CACNB2: variants seen among roughly 807,000 people sequenced by gnomAD.
CACNB2 encodes the protein calcium voltage-gated channel auxiliary subunit beta 2, also known as voltage-dependent L-type calcium channel subunit beta-2.
CACNB2 carries 42 observed loss-of-function variants against 73.3 expected under a neutral mutation model. That is an observed-to-expected ratio of 0.57 (90% confidence interval 0.45 to 0.74). The LOEUF is 0.74. Ranked by LOEUF, CACNB2 falls within the 30% of genes least tolerant of loss-of-function variation. The probability of loss-of-function intolerance (pLI) is 0.00; values close to 1 mark genes in which losing one functional copy is unlikely to be tolerated. For synonymous variants in CACNB2, 348 were observed against 310.3 expected (o/e 1.12, Z -1.28); for missense variants, 940 against 853.0 (o/e 1.10, Z -1.27).
rs1349584543 is a variant in CACNB2 at position 18,214,442 on chromosome 10, A to G, written c.213+63467A>G. On this transcript the variant is annotated intron_variant, in intron 2 of 13. Coordinates refer to ENST00000324631, the MANE Select transcript of CACNB2 (RefSeq NM_201596.3). Reference sequence around the variant, plus strand: ...GAAGTTCGAGACCAGCCTGGCCAACATGGTGGAACCCCATCTTTACCAAAA... The same window carrying G: ...GAAGTTCGAGACCAGCCTGGCCAACGTGGTGGAACCCCATCTTTACCAAAA... Among the ~76,000 whole-genome samples the G allele has an allele frequency of 2.7e-5, 2 of 72,966 alleles. 1 individual carries two copies. The highest frequency in any genetic ancestry group is 6.4e-5 in the African/African-American group (2 of 31,266). 47.9% of individuals were successfully genotyped at this position (72,966 alleles called of 152,430 possible). A position where few individuals can be genotyped will look rare whatever the true frequency, so the allele number is the denominator to read the frequency against.
At chr10:18,452,991 T>A (rs1218581546) in intron 3 of CACNB2, among the ~76,000 whole-genome samples, 2 of 152,208 alleles carry the variant, frequency 1.3e-5, no homozygotes, top group Non-Finnish European at 2.9e-5. Flanking sequence ...CATCATAGCA[T>A]CCATGCAGTT....
At chr10:18,152,709 C>CAAA (rs772732675) in intron 2 of CACNB2, among the ~76,000 whole-genome samples, 1,561 of 49,090 alleles carry the variant, frequency 0.032, 172 homozygotes, top group African/African-American at 0.11. Context: ...TGAAACAGAC[C>CAAA]AAAAAAAAAA....
At chr10:18,402,071 C>G in intron 3 of CACNB2, 28 bp downstream of exon 3, 2 of 1,611,542 alleles carry the variant, frequency 1.2e-6, no homozygotes, top group South Asian at 2.2e-5. Context: ...CTGCCAAGAT[C>G]TTTGCAAGTT....
chr10:18,368,723 C>A (rs1039153181), intron 2 of CACNB2, among the ~76,000 whole-genome samples: 1 of 151,820 alleles, frequency 6.6e-6, no homozygotes, highest in African/African-American at 2.4e-5. Flanking sequence ...ATTAATTAAC[C>A]CTCATGTGTT....
intron 2 of CACNB2, among the ~76,000 whole-genome samples, chr10:18,158,598 T>C (rs944309264): frequency 1.3e-5 from 2 of 152,214 alleles, no homozygotes; most frequent in Non-Finnish European, 2.9e-5. Flanking sequence ...ATCTTTTGTA[T>C]TTAGTACTTT....
At chr10:18,184,148 C>T (rs1040681902) in intron 2 of CACNB2, among the ~76,000 whole-genome samples, 1 of 152,114 alleles carries the variant, frequency 6.6e-6, no homozygotes, top group African/African-American at 2.4e-5. Context: ...TCTAAACTTA[C>T]CCCAATGCCA....
At chr10:18,177,678 C>G (rs2033677830) in intron 2 of CACNB2, among the ~76,000 whole-genome samples, 1 of 152,070 alleles carries the variant, frequency 6.6e-6, no homozygotes, top group Non-Finnish European at 1.5e-5. Context: ...GCGGCTCCAT[C>G]TTGGTAGGCT....
chr10:18,148,320 T>C (rs947845627), intron 1 of CACNB2, among the ~76,000 whole-genome samples: 5 of 152,198 alleles, frequency 3.3e-5, no homozygotes, highest in African/African-American at 1.2e-4. Context: ...ATCACCAGCA[T>C]GCATGCAGTT....
intron 2 of CACNB2, among the ~76,000 whole-genome samples, chr10:18,313,805 G>A (rs1239594713): frequency 1.3e-5 from 2 of 152,088 alleles, no homozygotes; most frequent in East Asian, 3.9e-4. Flanking sequence ...TGAGGAAAGC[G>A]GTATGTTCCC....
At chr10:18,254,532 G>A (rs770475429) in intron 2 of CACNB2, among the ~76,000 whole-genome samples, 1 of 151,986 alleles carries the variant, frequency 6.6e-6, no homozygotes, top group Non-Finnish European at 1.5e-5. Context: ...ATGATTGATT[G>A]TTGGTCTGAA....
At chr10:18,228,700 T>C (rs961071124) in intron 2 of CACNB2, among the ~76,000 whole-genome samples, 1 of 151,534 alleles carries the variant, frequency 6.6e-6, no homozygotes. Flanking sequence ...GTGTCAGTTT[T>C]GTTGTGAGTG....
chr10:18,489,191 C>CT (rs2049259135), intron 3 of CACNB2, among the ~76,000 whole-genome samples: 1 of 151,902 alleles, frequency 6.6e-6, no homozygotes, highest in African/African-American at 2.4e-5. Flanking sequence ...TGCACTCCAG[C>CT]CTGGGTGACA....
At chr10:18,494,007 C>T (rs1243797095) in intron 3 of CACNB2, among the ~76,000 whole-genome samples, 1 of 152,114 alleles carries the variant, frequency 6.6e-6, no homozygotes, top group Non-Finnish European at 1.5e-5. Context: ...AGCTAATTCC[C>T]ATATAAACCA....
At chr10:18,323,210 C>T (rs550481491) in intron 2 of CACNB2, among the ~76,000 whole-genome samples, 29 of 152,130 alleles carry the variant, frequency 1.9e-4, no homozygotes, top group African/African-American at 6.0e-4. Flanking sequence ...CCTCTCGCCT[C>T]AGCCTCCCAA....
At chr10:18,219,916 G>A (rs961661941) in intron 2 of CACNB2, among the ~76,000 whole-genome samples, 1 of 149,834 alleles carries the variant, frequency 6.7e-6, no homozygotes. Flanking sequence ...ACAGATGCCC[G>A]CCACCATGCC....
chr10:18,271,290 A>G (rs1450365889), intron 2 of CACNB2, among the ~76,000 whole-genome samples: 2 of 152,226 alleles, frequency 1.3e-5, no homozygotes, highest in Non-Finnish European at 2.9e-5. Flanking sequence ...TAAGAATATA[A>G]AGCAAGAAGC....
chr10:18,414,842 A>G (rs945640582), intron 3 of CACNB2, among the ~76,000 whole-genome samples: 1 of 151,990 alleles, frequency 6.6e-6, no homozygotes, highest in Non-Finnish European at 1.5e-5. Flanking sequence ...AGCAATAAAT[A>G]TGCAGTTCTT....
At chr10:18,163,782 C>T (rs2032648850) in intron 2 of CACNB2, among the ~76,000 whole-genome samples, 1 of 152,036 alleles carries the variant, frequency 6.6e-6, no homozygotes, top group Non-Finnish European at 1.5e-5. Flanking sequence ...TGGACAGGGG[C>T]TAGGTCAAAT....
intron 2 of CACNB2, among the ~76,000 whole-genome samples, chr10:18,174,770 G>A (rs2033481626): frequency 6.6e-6 from 1 of 152,116 alleles, no homozygotes; most frequent in East Asian, 1.9e-4. Context: ...AGACAAGTAT[G>A]TGTGCCAGAT....
Sources: gnomAD v4.1 joint callset for allele counts (sites outside exome capture counted in the v4.1 genomes callset) on GRCh38, gnomAD v4.1.1 for gene constraint, MANE v1.5 for transcripts, NCBI Gene and HGNC (gene_info 2026-07-23, HGNC 2026-07-21) for gene names.